The following LTA4H variants were observed in gnomAD, a reference collection of about 807,000 sequenced individuals.
LTA4H encodes the protein leukotriene A-4 hydrolase.
In LTA4H, 59 loss-of-function variants were observed where a neutral mutation model predicts 89.8. The ratio of observed to expected loss-of-function variants is 0.66; its 90% CI spans 0.53 to 0.82. The LOEUF (loss-of-function observed/expected upper bound fraction) is 0.82, where lower values mean the gene tolerates loss of function less well. Ranked by LOEUF, LTA4H falls within the 40% of genes least tolerant of loss-of-function variation. The pLI is 0.00. For synonymous variants in LTA4H, 227 were observed against 253.1 expected (o/e 0.90, Z 0.98); for missense variants, 617 against 727.0 (o/e 0.85, Z 1.74).
upstream of LTA4H, among the ~76,000 whole-genome samples, chr12:96,039,234 T>C (rs575606813): frequency 4.0e-5 from 6 of 151,878 alleles, no homozygotes; most frequent in South Asian, 1.2e-3. Context: ...ATAATAGTAA[T>C]AATAATAATA....
upstream of LTA4H, among the ~76,000 whole-genome samples, chr12:96,037,834 G>A (rs1001870184): frequency 5.3e-5 from 8 of 151,468 alleles, no homozygotes; most frequent in Non-Finnish European, 1.2e-4. Context: ...ACAGGCGCCC[G>A]TCACCAAGAC....
intron 8 of LTA4H, 35 bp downstream of exon 8, chr12:96,018,728 A>G: frequency 6.7e-7 from 1 of 1,489,874 alleles, no homozygotes; most frequent in Non-Finnish European, 8.9e-7. Flanking sequence ...TATTTTTGAA[A>G]CGTCAATTTC....
intron 10 of LTA4H, among the ~76,000 whole-genome samples, chr12:96,016,006 C>T (rs1950368430): frequency 6.6e-6 from 1 of 152,222 alleles, no homozygotes; most frequent in South Asian, 2.1e-4. Flanking sequence ...ATAAGTGTTA[C>T]AGAATTTTTA....
intron 5 of LTA4H, 39 bp from the exon 6 acceptor site, chr12:96,021,176 T>C: frequency 1.3e-6 from 2 of 1,494,290 alleles, no homozygotes; most frequent in East Asian, 2.4e-5. Context: ...GTGCTTGCAT[T>C]AGTGTTCACA....
chr12:96,030,591 C>G, intron 1 of LTA4H, among the ~76,000 whole-genome samples: 1 of 152,200 alleles, frequency 6.6e-6, no homozygotes, highest in East Asian at 1.9e-4. Flanking sequence ...CACACAGCCA[C>G]TTAAAAGTTG....
intron 14 of LTA4H, 100 bp downstream of exon 14, chr12:96,013,088 T>G: frequency 2.3e-6 from 2 of 887,456 alleles, no homozygotes; most frequent in Non-Finnish European, 3.7e-6. Flanking sequence ...CATCATTTAC[T>G]AGTAACAGTT....
chr12:96,013,686 C>A, intron 13 of LTA4H, 64 bp downstream of exon 13: 1 of 836,526 alleles, frequency 1.2e-6, no homozygotes, highest in South Asian at 1.5e-5. Flanking sequence ...TACAAGTTAA[C>A]CTAATCAGTC....
intron 1 of LTA4H, among the ~76,000 whole-genome samples, chr12:96,032,653 A>C (rs892671814): frequency 1.1e-4 from 16 of 152,212 alleles, no homozygotes; most frequent in Admixed American, 4.6e-4. Flanking sequence ...AACAATTATA[A>C]ACATGTTATT....
At chr12:96,015,323 A>C in intron 11 of LTA4H, 1 of 513,904 alleles carries the variant, frequency 1.9e-6, no homozygotes, top group Non-Finnish European at 3.4e-6. Context: ...ATAAGATGCA[A>C]ACATAGTAAA....
chr12:96,043,388 A>T (rs947687345), exon 1 of LTA4H: 1 of 1,495,460 alleles, frequency 6.7e-7, no homozygotes, highest in African/African-American at 1.4e-5. Context: ...GAGACAGATT[A>T]GAGGAGGTGT....
chr12:96,037,024 G>GC, upstream of LTA4H, among the ~76,000 whole-genome samples: 1 of 152,306 alleles, frequency 6.6e-6, no homozygotes, highest in African/African-American at 2.4e-5. Context: ...TGAGGGCTCT[G>GC]CCCCCGTGAC....
At chr12:96,043,233 G>T in intron 1 of LTA4H, 1 of 1,251,730 alleles carries the variant, frequency 8.0e-7, no homozygotes, top group Non-Finnish European at 1.1e-6. Flanking sequence ...GAAGGGGTAG[G>T]CAGGGACTCG....
At chr12:96,026,083 T>C (rs1443601297) in intron 3 of LTA4H, among the ~76,000 whole-genome samples, 1 of 152,142 alleles carries the variant, frequency 6.6e-6, no homozygotes, top group East Asian at 1.9e-4. Context: ...TCCAAAGATA[T>C]AGGCTCCCAA....
At chr12:96,036,105 T>C (rs11108383), upstream of LTA4H, among the ~76,000 whole-genome samples, 8,861 of 149,508 alleles carry the variant, frequency 0.059, 308 homozygotes, top group Middle Eastern at 0.11. Context: ...ACAGTAATTG[T>C]TTTTTGTTTT....
At chr12:96,006,072 C>A (rs1950194047) in intron 16 of LTA4H, among the ~76,000 whole-genome samples, 1 of 152,018 alleles carries the variant, frequency 6.6e-6, no homozygotes. Flanking sequence ...GCATGTGTTC[C>A]CCTTCCTACT....
rs551580630 is a variant in LTA4H, at chr12:96,019,622, C to G, written c.639-382G>C. Among the ~76,000 whole-genome samples the G allele has an allele frequency of 2.6e-4, 35 of 133,626 alleles. 1 individual carries two copies. The highest frequency in any genetic ancestry group is 9.8e-4 in the African/African-American group (33 of 33,586). 87.7% of individuals were successfully genotyped at this position (133,626 alleles called of 152,430 possible). On this transcript the variant is annotated intron_variant, in intron 6 of 18. Coordinates refer to ENST00000228740, the MANE Select transcript of LTA4H (RefSeq NM_000895.3). ...TTTTTTTTTTTTTGAGACGGAGTCTCGCTCTGTCACCCAGGCTGGAGTGCA... is the reference window on the plus strand; with the variant it reads ...TTTTTTTTTTTTTGAGACGGAGTCTGGCTCTGTCACCCAGGCTGGAGTGCA...
chr12:96,001,228 A>G (rs1950096371), intron 18 of LTA4H, 122 bp from the exon 19 acceptor site: 2 of 665,208 alleles, frequency 3.0e-6, no homozygotes, highest in Non-Finnish European at 2.7e-6. Flanking sequence ...GGAAGGAGAA[A>G]GAGAATAAGA....
At position 96,030,758 on chromosome 12, in the gene LTA4H, C is replaced by A. The variant is rs533296841; in HGVS notation, c.160-1573G>T. Among the ~76,000 whole-genome samples, 8 of 152,296 alleles carry A rather than the reference C, an allele frequency of 5.3e-5. No individual in the cohort carries two copies. The South Asian group carries it at 1.7e-3, about 32-fold the overall frequency. On this transcript the variant is annotated intron_variant, in intron 1 of 18. Transcript: ENST00000228740. ...CCTGGCTACATGTGAGGCCAAGAAC[C>A]AGCCATTTCCCAGCTGCCCCTGGGT...
rs974466525 is a variant in LTA4H at position 96,022,316 on chromosome 12, T to A, written c.481-65A>T. On this transcript the variant is annotated intron_variant, in intron 4 of 18. Transcript: ENST00000228740. The surrounding 1 kb of genome is among the most constrained non-coding windows in gnomAD (Gnocchi z 4.0). The stretch of plus-strand genomic sequence containing the variant: ...GCTTCTATGTGTCTTAAACCATATA[T>A]GTAAAATAACCTTTTCTTCCCATTC... The A allele has an allele frequency of 4.7e-6, 5 of 1,052,638 alleles. No homozygotes were observed. Among genetic ancestry groups the A allele is most frequent in the Non-Finnish European group, 4.3e-6 (3 of 694,750 alleles). 65.2% of individuals were successfully genotyped at this position (1,052,638 alleles called of 1,614,324 possible). A position where few individuals can be genotyped will look rare whatever the true frequency, so the allele number is the denominator to read the frequency against.
Sources: allele counts gnomAD v4.1 joint callset (sites outside exome capture counted in the v4.1 genomes callset), GRCh38; gene constraint gnomAD v4.1.1; non-coding constraint Gnocchi (gnomAD v3.1); transcripts MANE v1.5; gene names NCBI Gene and HGNC (gene_info 2026-07-23, HGNC 2026-07-21).